SMG6: variants seen among roughly 807,000 people sequenced by gnomAD.
SMG6 encodes the protein SMG6 nonsense mediated mRNA decay factor.
Under a neutral mutation model 142.2 loss-of-function variants are expected in SMG6, and 66 were observed. The ratio of observed to expected loss-of-function variants is 0.46; its 90% CI spans 0.38 to 0.57. The LOEUF is 0.57. Among genes scored for constraint, SMG6 ranks in the 20% least tolerant of loss-of-function variants. The probability of loss-of-function intolerance (pLI) is 0.00; values close to 1 mark genes in which losing one functional copy is unlikely to be tolerated. For synonymous variants in SMG6, 779 were observed against 702.4 expected, an observed-to-expected ratio of 1.11 and a Z score of -1.72; for missense variants, 1,793 against 1,832.0, an observed-to-expected ratio of 0.98 and a Z score of 0.39.
At chr17:2,202,165 C>T (rs1182558440) in intron 10 of SMG6, among the ~76,000 whole-genome samples, 1 of 152,170 alleles carries the variant, frequency 6.6e-6, no homozygotes, top group Non-Finnish European at 1.5e-5. Flanking sequence ...GAGGAGAAAA[C>T]ACCAAATATC....
intron 15 of SMG6, among the ~76,000 whole-genome samples, chr17:2,078,868 G>A (rs1252449047): frequency 3.3e-5 from 5 of 152,128 alleles, no homozygotes; most frequent in Non-Finnish European, 7.3e-5. Flanking sequence ...AAAGACAAAG[G>A]GAGGTCAACT....
At chr17:2,249,069 A>G (rs921766191) in intron 8 of SMG6, among the ~76,000 whole-genome samples, 2 of 145,796 alleles carry the variant, frequency 1.4e-5, no homozygotes, top group East Asian at 2.0e-4. Context: ...TTTTTTTTGT[A>G]TTTTCAGTAG....
intron 13 of SMG6, among the ~76,000 whole-genome samples, chr17:2,166,963 T>G (rs1031919974): frequency 6.6e-6 from 1 of 151,760 alleles, no homozygotes; most frequent in Non-Finnish European, 1.5e-5. Flanking sequence ...CCGTCTCTAC[T>G]AAAAATACAA....
At chr17:2,078,503 C>T (rs2068322490) in intron 15 of SMG6, among the ~76,000 whole-genome samples, 1 of 150,710 alleles carries the variant, frequency 6.6e-6, no homozygotes, top group South Asian at 2.1e-4. Context: ...TCCTGAGTAG[C>T]TGGGATTACA....
intron 13 of SMG6, among the ~76,000 whole-genome samples, chr17:2,135,290 C>A (rs1055172672): frequency 6.6e-6 from 1 of 152,200 alleles, no homozygotes; most frequent in Non-Finnish European, 1.5e-5. Flanking sequence ...CTATGTAACA[C>A]ATTCGTCATC....
chr17:2,231,783 T>C (rs557416757), intron 10 of SMG6, among the ~76,000 whole-genome samples: 6 of 141,140 alleles, frequency 4.3e-5, no homozygotes, highest in African/African-American at 1.6e-4. Flanking sequence ...CTCCCAAATA[T>C]TCCCTAAAAG....
At chr17:2,120,942 T>C (rs2069669945) in intron 13 of SMG6, among the ~76,000 whole-genome samples, 1 of 151,922 alleles carries the variant, frequency 6.6e-6, no homozygotes, top group Non-Finnish European at 1.5e-5. Context: ...ACGCGTAAAA[T>C]ATAATAGCAC....
chr17:2,269,564 T>A (rs915822150), intron 8 of SMG6, among the ~76,000 whole-genome samples: 1 of 152,054 alleles, frequency 6.6e-6, no homozygotes, highest in African/African-American at 2.4e-5. Flanking sequence ...GAAGCCATGC[T>A]CCTTTGCTAA....
chr17:2,269,426 A>G (rs1193229784), intron 8 of SMG6, among the ~76,000 whole-genome samples: 2 of 149,392 alleles, frequency 1.3e-5, no homozygotes, highest in African/African-American at 4.9e-5. Context: ...TGCCACCTAC[A>G]TAACACACTT....
At chr17:2,206,752 G>A (rs1047295801) in intron 10 of SMG6, among the ~76,000 whole-genome samples, 2 of 151,954 alleles carry the variant, frequency 1.3e-5, no homozygotes, top group Admixed American at 1.3e-4. Flanking sequence ...GCTGGATGTG[G>A]TGGTGCATGC....
In SMG6 at chr17:2,244,798, C is replaced by A. The variant is rs115437569; in HGVS notation, c.2662-79G>T. On this transcript the variant is annotated intron_variant, in intron 8 of 18. Coordinates refer to ENST00000263073, the MANE Select transcript of SMG6 (RefSeq NM_017575.5). Reference sequence around the variant, plus strand: ...TTACTGAACAGAGTCCCCAGTGACACAATAACCTGGCCAGGGTCTAAGGGG... The same window carrying A: ...TTACTGAACAGAGTCCCCAGTGACAAAATAACCTGGCCAGGGTCTAAGGGG... The A allele has an allele frequency of 1.4e-3, 1,725 of 1,226,318 alleles. 21 individuals carry two copies. In the African/African-American group the frequency reaches 0.022, roughly 15 times the overall value. 76.0% of individuals were successfully genotyped at this position (1,226,318 alleles called of 1,614,324 possible).
chr17:2,120,821 G>A (rs1336917205), intron 13 of SMG6, among the ~76,000 whole-genome samples: 1 of 152,182 alleles, frequency 6.6e-6, no homozygotes, highest in African/African-American at 2.4e-5. Context: ...CCAGAAAGAG[G>A]ATGTGAAGCA....
chr17:2,162,707 T>C (rs769225620), intron 13 of SMG6, among the ~76,000 whole-genome samples: 1 of 152,094 alleles, frequency 6.6e-6, no homozygotes, highest in Non-Finnish European at 1.5e-5. Context: ...TTATATCCAG[T>C]CATCCATCTA....
Position 2,241,671 on chromosome 17 carries a change from G to A in SMG6, c.2723+2987C>T, listed in dbSNP as rs560213656. ...CTCTCAAAATGCTAGGATTATAGGC[G>A]TGAGCCACCGCACCCGGTCATTATC... On this transcript the variant is annotated intron_variant, in intron 9 of 18. Coordinates refer to ENST00000263073, the MANE Select transcript of SMG6 (RefSeq NM_017575.5). Among the ~76,000 whole-genome samples, 4 of 152,254 alleles carry A rather than the reference G, an allele frequency of 2.6e-5. No individual in the cohort carries two copies. The East Asian group carries it at 5.8e-4, about 22-fold the overall frequency.
chr17:2,213,055 G>C (rs1193046257), intron 10 of SMG6, among the ~76,000 whole-genome samples: 7 of 152,236 alleles, frequency 4.6e-5, no homozygotes, highest in Non-Finnish European at 8.8e-5. Context: ...ACTTCCGAGA[G>C]TGAAGGGGTG....
rs564375289 is a variant in SMG6, at chr17:2,071,746, G to A, written c.3682-2815C>T. On this transcript the variant is annotated intron_variant, in intron 15 of 18. Transcript: ENST00000263073. The surrounding 1 kb of genome is among the most constrained non-coding windows in gnomAD (Gnocchi z 5.6). ...GTACCGGTGGGCCTCTGGGCGGGGG[G>A]GGTCACACCTGGGTCACAAGACTGG... 3.2e-4 allele frequency among the ~76,000 whole-genome samples: 49 copies of A among 152,244 alleles called. No homozygotes were observed. The highest frequency in any genetic ancestry group is 3.4e-3 in the Middle Eastern group (1 of 294).
At chr17:2,237,866 G>A (rs1389174086) in intron 9 of SMG6, among the ~76,000 whole-genome samples, 1 of 152,186 alleles carries the variant, frequency 6.6e-6, no homozygotes, top group African/African-American at 2.4e-5. Flanking sequence ...TTAGGGTTAT[G>A]CCAAACAATT....
chr17:2,104,267 T>C (rs2069094963), intron 13 of SMG6, among the ~76,000 whole-genome samples: 1 of 152,062 alleles, frequency 6.6e-6, no homozygotes. Flanking sequence ...GGCTAATTTT[T>C]GTATTTTTAG....
intron 10 of SMG6, chr17:2,236,211 C>CT (rs2073646479): frequency 4.1e-6 from 1 of 245,766 alleles, no homozygotes; most frequent in Non-Finnish European, 7.9e-6. Flanking sequence ...GGCCTTGCTG[C>CT]TGCCTTTCGC....
Sources: allele counts gnomAD v4.1 joint callset (sites outside exome capture counted in the v4.1 genomes callset), GRCh38; gene constraint gnomAD v4.1.1; non-coding constraint Gnocchi (gnomAD v3.1); transcripts MANE v1.5; gene names NCBI Gene and HGNC (gene_info 2026-07-23, HGNC 2026-07-21).